Variants in SYCP1 observed in about 807,000 individuals in gnomAD.
The protein encoded by SYCP1 is cancer/testis antigen 8.
SYCP1 carries 64 observed loss-of-function variants against 153.1 expected under a neutral mutation model. The ratio of observed to expected loss-of-function variants is 0.42; its 90% CI spans 0.34 to 0.51. SYCP1 has a LOEUF of 0.51. Among genes scored for constraint, SYCP1 ranks in the 20% least tolerant of loss-of-function variants. The probability of loss-of-function intolerance (pLI) is 0.06; values close to 1 mark genes in which losing one functional copy is unlikely to be tolerated. For synonymous variants in SYCP1, 384 were observed against 341.8 expected (o/e 1.12, Z -1.36); for missense variants, 997 against 1,049.0 (o/e 0.95, Z 0.68).
chr1:114,870,747 T>G (rs1181617212), intron 8 of SYCP1, among the ~76,000 whole-genome samples: 1 of 152,174 alleles, frequency 6.6e-6, no homozygotes, highest in African/African-American at 2.4e-5. Context: ...TTATTCTAGA[T>G]GTGATTTTAC....
chr1:114,975,436 GTATC>G (rs756279423), intron 27 of SYCP1, among the ~76,000 whole-genome samples: 5 of 151,028 alleles, frequency 3.3e-5, no homozygotes, highest in Non-Finnish European at 7.4e-5. Flanking sequence ...TTAAAATAAT[GTATC>G]TAATACTGTC....
Position 114,926,296 on chromosome 1 carries a change from C to A in SYCP1, c.1819C>A (p.Gln607Lys), listed in dbSNP as rs1669243694. The A allele has an allele frequency of 1.3e-6, 2 of 1,524,302 alleles. No individual in the cohort carries two copies. Among genetic ancestry groups the A allele is most frequent in the Non-Finnish European group, 1.8e-6 (2 of 1,131,104 alleles). The allele number at this position is 1,524,302 out of a possible 1,614,324, so 94.4% of individuals were successfully genotyped here. The change falls in exon 22 of 32, where the codon CAA becomes AAA. Residue 607 changes from glutamine (Q) to lysine (K), a missense_variant. Coordinates refer to ENST00000369522, the MANE Select transcript of SYCP1 (RefSeq NM_003176.4). ...SEENCNNLRKQVENKNKYIEE... is the reference protein window; with the variant it reads ...SEENCNNLRKKVENKNKYIEE... Reference sequence around the variant, plus strand: ...TTTTTAGTGTAACAATTTAAGGAAACAAGTTGAAAATAAAAACAAGTATAT... The same window carrying A: ...TTTTTAGTGTAACAATTTAAGGAAAAAAGTTGAAAATAAAAACAAGTATAT...
intron 30 of SYCP1, among the ~76,000 whole-genome samples, chr1:114,985,358 C>T (rs1673430746): frequency 6.6e-6 from 1 of 151,918 alleles, no homozygotes; most frequent in Non-Finnish European, 1.5e-5. Context: ...TTAAGGACAG[C>T]ATGTTTAAGC....
intron 8 of SYCP1, among the ~76,000 whole-genome samples, chr1:114,871,829 A>G (rs534862523): frequency 4.3e-4 from 66 of 152,198 alleles, no homozygotes; most frequent in Non-Finnish European, 7.8e-4. Flanking sequence ...CAAGTGATCC[A>G]ACTGCCTTGG....
intron 8 of SYCP1, 99 bp from the exon 9 acceptor site, chr1:114,874,407 A>G: frequency 1.4e-6 from 1 of 715,892 alleles, no homozygotes; most frequent in Non-Finnish European, 2.3e-6. Context: ...ATTAACACAG[A>G]ATTTTAAATA....
intron 20 of SYCP1, among the ~76,000 whole-genome samples, chr1:114,917,103 T>C (rs1393964049): frequency 6.6e-6 from 1 of 152,034 alleles, no homozygotes; most frequent in East Asian, 1.9e-4. Flanking sequence ...TCACTTTCTA[T>C]TTTTTGTACT....
chr1:114,859,651 G>T, intron 6 of SYCP1, 92 bp from the exon 7 acceptor site: 1 of 597,600 alleles, frequency 1.7e-6, no homozygotes, highest in East Asian at 1.2e-4. Context: ...AGACCATTGT[G>T]TATTAGTAAA....
intron 27 of SYCP1, among the ~76,000 whole-genome samples, chr1:114,971,131 A>C (rs1396083091): frequency 2.0e-5 from 3 of 152,174 alleles, no homozygotes; most frequent in Non-Finnish European, 2.9e-5. Flanking sequence ...ATAAGTATTC[A>C]GGTTTCTCAG....
In SYCP1 at chr1:114,951,404, A is replaced by G. The variant is rs1671097498; in HGVS notation, c.2322+4084A>G. Among the ~76,000 whole-genome samples the G allele has an allele frequency of 3.3e-5, 5 of 152,220 alleles. No homozygotes were observed. In the South Asian group the frequency reaches 1.0e-3, roughly 31 times the overall value. ...AAATATACATATTATATTTGAATTTATCGGAAAAAATAATTTGAAATTGGA... is the reference window on the plus strand; with the variant it reads ...AAATATACATATTATATTTGAATTTGTCGGAAAAAATAATTTGAAATTGGA... On this transcript the variant is annotated intron_variant, in intron 27 of 31. Transcript: ENST00000369522.
Position 114,878,171 on chromosome 1 carries a change from A to G in SYCP1, c.879A>G (p.Arg293=), listed in dbSNP as rs1229487304. 1 of 1,577,110 alleles carries G rather than the reference A, an allele frequency of 6.3e-7. No homozygotes were observed. ...TAACATTTCTGCTAGAGGAATCCAG[A>G]GATAAAGTTAATCAATTAGAGGAAA... The part of the protein sequence containing the change: ...KDLTFLLEES[R]DKVNQLEEKT... Residue 293 remains arginine, a synonymous_variant, in exon 12 of 32, where the codon AGA becomes AGG. Transcript: ENST00000369522.
intron 23 of SYCP1, among the ~76,000 whole-genome samples, chr1:114,935,939 C>T (rs892014436): frequency 7.9e-5 from 12 of 152,090 alleles, no homozygotes; most frequent in African/African-American, 2.7e-4. Context: ...AAGTCCAGGA[C>T]CAGACGGAGT....
chr1:114,937,043 C>A (rs1257854292), intron 23 of SYCP1, among the ~76,000 whole-genome samples: 8 of 152,040 alleles, frequency 5.3e-5, no homozygotes, highest in African/African-American at 7.2e-5. Context: ...GGAAAAAACT[C>A]CTTTAAAGTT....
intron 8 of SYCP1, among the ~76,000 whole-genome samples, chr1:114,873,381 A>G (rs553681276): frequency 6.6e-6 from 1 of 152,292 alleles, no homozygotes; most frequent in East Asian, 1.9e-4. Flanking sequence ...CAGCCCTTGC[A>G]TCCCTCTCCT....
At chr1:114,899,908 G>T (rs180998541) in intron 16 of SYCP1, among the ~76,000 whole-genome samples, 15 of 152,260 alleles carry the variant, frequency 9.9e-5, no homozygotes, top group Non-Finnish European at 1.9e-4. Flanking sequence ...TGAAACTGAA[G>T]TTTGATTTTG....
At chr1:114,860,836 T>C (rs1664321055) in intron 8 of SYCP1, 27 bp downstream of exon 8, 6 of 1,509,152 alleles carry the variant, frequency 4.0e-6, no homozygotes, top group Non-Finnish European at 5.4e-6. Flanking sequence ...TTTTATGTGA[T>C]TTTATCAATT....
chr1:114,924,379 C>T (rs1166482413), intron 21 of SYCP1, among the ~76,000 whole-genome samples: 1 of 152,094 alleles, frequency 6.6e-6, no homozygotes, highest in Admixed American at 6.6e-5. Context: ...AGTTAGCCAG[C>T]AGGACTACTG....
intron 6 of SYCP1, 189 bp from the exon 7 acceptor site, chr1:114,859,554 T>C (rs955825794): frequency 4.7e-6 from 1 of 214,024 alleles, no homozygotes; most frequent in Non-Finnish European, 9.7e-6. Flanking sequence ...TTCTTTATTT[T>C]AGATTGATGA....
At chr1:114,888,208 A>G (rs549580348) in intron 15 of SYCP1, among the ~76,000 whole-genome samples, 2 of 152,224 alleles carry the variant, frequency 1.3e-5, no homozygotes, top group East Asian at 3.9e-4. Flanking sequence ...TAATTCGATA[A>G]TTCTAATAAC....
chr1:114,967,489 T>G (rs1230994255), intron 27 of SYCP1, among the ~76,000 whole-genome samples: 1 of 152,226 alleles, frequency 6.6e-6, no homozygotes, highest in African/African-American at 2.4e-5. Context: ...AGACTAGGAT[T>G]GCAATCTCTG....
Sources: gnomAD v4.1 joint callset for allele counts (sites outside exome capture counted in the v4.1 genomes callset) on GRCh38, gnomAD v4.1.1 for gene constraint, MANE v1.5 for transcripts, NCBI Gene and HGNC (gene_info 2026-07-23, HGNC 2026-07-21) for gene names.